SH3GL2: variants seen among roughly 807,000 people sequenced by gnomAD.
The protein encoded by SH3GL2 is SH3 domain containing GRB2 like 2, endophilin A1.
Under a neutral mutation model 46.0 loss-of-function variants are expected in SH3GL2, and 24 were observed. The observed-to-expected ratio is 0.52, with a 90% CI of 0.38 to 0.73. The LOEUF is 0.73. Among genes scored for constraint, SH3GL2 ranks in the 30% least tolerant of loss-of-function variants. SH3GL2 has a pLI of 0.00. For synonymous variants in SH3GL2, 196 were observed against 147.1 expected, an observed-to-expected ratio of 1.33 and a Z score of -2.40; for missense variants, 413 against 424.2, an observed-to-expected ratio of 0.97 and a Z score of 0.23.
chr9:17,672,151 G>A (rs1820491598), intron 1 of SH3GL2, among the ~76,000 whole-genome samples: 1 of 152,166 alleles, frequency 6.6e-6, no homozygotes, highest in South Asian at 2.1e-4. Context: ...AGATTCTTAA[G>A]CTGTCGATGT....
chr9:17,772,160 A>G (rs953994152), intron 3 of SH3GL2, among the ~76,000 whole-genome samples: 1 of 152,222 alleles, frequency 6.6e-6, no homozygotes, highest in African/African-American at 2.4e-5. Flanking sequence ...ACATGTTGCC[A>G]AAATGAAATG....
intron 3 of SH3GL2, among the ~76,000 whole-genome samples, chr9:17,773,258 G>A (rs1349004044): frequency 6.6e-6 from 1 of 152,084 alleles, no homozygotes; most frequent in Non-Finnish European, 1.5e-5. Flanking sequence ...CATTCTGTGG[G>A]TTGCCTTTTT....
chr9:17,656,266 G>C (rs1367042916), intron 1 of SH3GL2, among the ~76,000 whole-genome samples: 1 of 152,080 alleles, frequency 6.6e-6, no homozygotes, highest in African/African-American at 2.4e-5. Context: ...CCCATGGATA[G>C]ATATATTAGA....
intron 1 of SH3GL2, among the ~76,000 whole-genome samples, chr9:17,581,049 G>C (rs1236745343): frequency 1.3e-5 from 2 of 152,192 alleles, no homozygotes; most frequent in African/African-American, 4.8e-5. Context: ...GGGTTGAGGT[G>C]AAGAGAAACG....
intron 1 of SH3GL2, among the ~76,000 whole-genome samples, chr9:17,687,930 C>T (rs1026035552): frequency 5.3e-5 from 8 of 152,204 alleles, no homozygotes; most frequent in African/African-American, 1.9e-4. Context: ...TAACAAAATT[C>T]ATTTAAGAGA....
chr9:17,771,018 G>GGT (rs1418256860), intron 3 of SH3GL2, among the ~76,000 whole-genome samples: 1 of 152,180 alleles, frequency 6.6e-6, no homozygotes, highest in Non-Finnish European at 1.5e-5. Context: ...GAAACTGTGA[G>GGT]GTAATGTGTG....
At chr9:17,784,462 A>G (rs996636330) in intron 3 of SH3GL2, among the ~76,000 whole-genome samples, 2 of 152,006 alleles carry the variant, frequency 1.3e-5, no homozygotes, top group Non-Finnish European at 2.9e-5. Flanking sequence ...CTTTCCTTCT[A>G]TTCATTCTGT....
At chr9:17,759,402 G>C (rs1397889939) in intron 2 of SH3GL2, among the ~76,000 whole-genome samples, 1 of 152,180 alleles carries the variant, frequency 6.6e-6, no homozygotes, top group African/African-American at 2.4e-5. Flanking sequence ...AGGGAACAAA[G>C]CATATTCCAG....
intron 1 of SH3GL2, among the ~76,000 whole-genome samples, chr9:17,646,074 T>G (rs1819809173): frequency 6.6e-6 from 1 of 151,972 alleles, no homozygotes; most frequent in South Asian, 2.1e-4. Flanking sequence ...TTCATTCCTT[T>G]TCCTTCTTTT....
At chr9:17,785,473 T>A (rs1823930126) in intron 3 of SH3GL2, among the ~76,000 whole-genome samples, 1 of 152,206 alleles carries the variant, frequency 6.6e-6, no homozygotes. Flanking sequence ...ATGTCAAGAT[T>A]GTCAGCCACT....
intron 1 of SH3GL2, among the ~76,000 whole-genome samples, chr9:17,679,041 A>G (rs1351529247): frequency 6.6e-6 from 1 of 152,030 alleles, no homozygotes; most frequent in East Asian, 1.9e-4. Flanking sequence ...GTAGCCTTGT[A>G]GTATAGTTTG....
At chr9:17,673,374 G>A (rs988105464) in intron 1 of SH3GL2, among the ~76,000 whole-genome samples, 6 of 148,744 alleles carry the variant, frequency 4.0e-5, no homozygotes, top group Non-Finnish European at 7.4e-5. Flanking sequence ...GGCTGGTCCC[G>A]AATGCAGGCT....
intron 1 of SH3GL2, among the ~76,000 whole-genome samples, chr9:17,681,440 G>T (rs1396978381): frequency 1.3e-5 from 2 of 152,092 alleles, no homozygotes; most frequent in African/African-American, 4.8e-5. Flanking sequence ...GTTTCCTGTA[G>T]CATGGTCATA....
chr9:17,618,630 G>C (rs866907701), intron 1 of SH3GL2, among the ~76,000 whole-genome samples: 31 of 152,166 alleles, frequency 2.0e-4, no homozygotes, highest in African/African-American at 7.0e-4. Context: ...ACTGTAGGGT[G>C]CTGGCCTAGA....
At chr9:17,620,584 G>A (rs533510571) in intron 1 of SH3GL2, among the ~76,000 whole-genome samples, 2 of 152,308 alleles carry the variant, frequency 1.3e-5, no homozygotes, top group East Asian at 1.9e-4. Context: ...AAGAGGGTTG[G>A]TGCAGTACTC....
At chr9:17,757,747 C>G (rs1247055499) in intron 2 of SH3GL2, among the ~76,000 whole-genome samples, 6 of 152,114 alleles carry the variant, frequency 3.9e-5, no homozygotes, top group African/African-American at 1.4e-4. Context: ...ATTCTGGGAG[C>G]TTATGGGAAT....
intron 1 of SH3GL2, among the ~76,000 whole-genome samples, chr9:17,719,932 T>C (rs1821851085): frequency 6.6e-6 from 1 of 151,650 alleles, no homozygotes; most frequent in African/African-American, 2.4e-5. Flanking sequence ...TATATTATTT[T>C]TGATAAGTAG....
intron 1 of SH3GL2, among the ~76,000 whole-genome samples, chr9:17,628,411 GGT>G (rs3084633): frequency 0.023 from 3,268 of 143,668 alleles, 54 homozygotes; most frequent in South Asian, 0.034. Context: ...CTATATCTTG[GGT>G]GTGTGTGTGT....
At chr9:17,662,192 G>T (rs1170533170) in intron 1 of SH3GL2, among the ~76,000 whole-genome samples, 1 of 152,118 alleles carries the variant, frequency 6.6e-6, no homozygotes, top group Non-Finnish European at 1.5e-5. Flanking sequence ...CTGTATCTTT[G>T]CTAATTTTCT....
Sources: allele counts gnomAD v4.1 joint callset (sites outside exome capture counted in the v4.1 genomes callset), GRCh38; gene constraint gnomAD v4.1.1; transcripts MANE v1.5; gene names NCBI Gene and HGNC (gene_info 2026-07-23, HGNC 2026-07-21).